The following NFIL3 variants were observed in gnomAD, a reference collection of about 807,000 sequenced individuals.
The protein encoded by NFIL3 is nuclear factor interleukin-3-regulated protein.
Under a neutral mutation model 10.0 loss-of-function variants are expected in NFIL3, and 5 were observed. The observed-to-expected ratio is 0.50, with a 90% CI of 0.26 to 1.06. NFIL3 has a LOEUF of 1.06. Among genes scored for constraint, NFIL3 ranks in the 50% least tolerant of loss-of-function variants. NFIL3 has a pLI of 0.13. For missense variants in NFIL3, 436 were observed against 547.6 expected (o/e 0.80, Z 2.03); for synonymous variants, 202 against 206.5 (o/e 0.98, Z 0.19).
At chr9:91,458,033 G>T in the NFIL3 span, among the ~76,000 whole-genome samples, 2 of 151,494 alleles carry the variant, frequency 1.3e-5, no homozygotes, top group Non-Finnish European at 2.9e-5. Context: ...ATGTTATATT[G>T]TTCTTTTTAT....
At chr9:91,473,229 T>C in the NFIL3 span, among the ~76,000 whole-genome samples, 1 of 152,214 alleles carries the variant, frequency 6.6e-6, no homozygotes, top group African/African-American at 2.4e-5. Flanking sequence ...AGAACACTGA[T>C]CTCTTCAGAG....
the NFIL3 span, among the ~76,000 whole-genome samples, chr9:91,438,698 T>C: frequency 3.6e-4 from 55 of 152,298 alleles, no homozygotes; most frequent in East Asian, 1.7e-3. Context: ...TGATGTAAGA[T>C]AACAGTCCAA....
chr9:91,448,194 A>G, the NFIL3 span, among the ~76,000 whole-genome samples: 42 of 152,078 alleles, frequency 2.8e-4, no homozygotes, highest in African/African-American at 9.4e-4. Flanking sequence ...TATTTTGCTT[A>G]CTTTCTTGTT....
At chr9:91,455,847 C>G in the NFIL3 span, among the ~76,000 whole-genome samples, 3 of 152,288 alleles carry the variant, frequency 2.0e-5, no homozygotes, top group Admixed American at 2.0e-4. Context: ...TAGCCAAGGT[C>G]TGATTGCAAA....
the NFIL3 span, among the ~76,000 whole-genome samples, chr9:91,479,858 A>G: frequency 3.3e-5 from 5 of 152,280 alleles, no homozygotes; most frequent in Middle Eastern, 3.4e-3. Flanking sequence ...GCCAGAGTAC[A>G]CTGTCCCTCA....
At chr9:91,445,242 G>A in the NFIL3 span, among the ~76,000 whole-genome samples, 7 of 152,292 alleles carry the variant, frequency 4.6e-5, no homozygotes, top group African/African-American at 1.7e-4. Context: ...ATAGGAAACA[G>A]TGACAACTTG....
chr9:91,412,547 T>C (rs957788460), intron 1 of NFIL3, among the ~76,000 whole-genome samples: 1 of 151,932 alleles, frequency 6.6e-6, no homozygotes, highest in African/African-American at 2.4e-5. Flanking sequence ...TCTACCCTAC[T>C]AAAAAGATGT....
the NFIL3 span, among the ~76,000 whole-genome samples, chr9:91,453,888 A>C: frequency 6.6e-6 from 1 of 152,058 alleles, no homozygotes; most frequent in Non-Finnish European, 1.5e-5. Flanking sequence ...TTAGTTTTTG[A>C]CATGGAAAAG....
upstream of NFIL3, among the ~76,000 whole-genome samples, chr9:91,424,657 C>G (rs1833848913): frequency 6.6e-6 from 1 of 152,188 alleles, no homozygotes; most frequent in African/African-American, 2.4e-5. Flanking sequence ...AAAGTTGTTG[C>G]GTAACACGAC....
chr9:91,452,044 G>T, the NFIL3 span, among the ~76,000 whole-genome samples: 2 of 152,130 alleles, frequency 1.3e-5, no homozygotes, highest in Admixed American at 6.5e-5. Flanking sequence ...TTGACTAAGG[G>T]CATTCCAAAG....
At chr9:91,443,699 G>A in the NFIL3 span, among the ~76,000 whole-genome samples, 8 of 152,172 alleles carry the variant, frequency 5.3e-5, no homozygotes, top group Non-Finnish European at 1.2e-4. Context: ...AGGCTGGGTT[G>A]GTAGCTGTGG....
the NFIL3 span, among the ~76,000 whole-genome samples, chr9:91,463,792 T>G: frequency 6.6e-6 from 1 of 152,154 alleles, no homozygotes; most frequent in Non-Finnish European, 1.5e-5. Flanking sequence ...ATATGTCCAT[T>G]TCTTCTTTTA....
chr9:91,482,024 T>A, the NFIL3 span, among the ~76,000 whole-genome samples: 1 of 152,118 alleles, frequency 6.6e-6, no homozygotes, highest in East Asian at 1.9e-4. Context: ...CGGAAAGGAT[T>A]GGGGGAAAAG....
At chr9:91,482,478 G>A in the NFIL3 span, among the ~76,000 whole-genome samples, 12 of 151,860 alleles carry the variant, frequency 7.9e-5, no homozygotes, top group Non-Finnish European at 1.6e-4. Context: ...ATTTTACTAG[G>A]AGTATAGATT....
the NFIL3 span, among the ~76,000 whole-genome samples, chr9:91,460,281 T>TTTTTTTTTTTTTTTTTTG: frequency 7.9e-6 from 1 of 127,012 alleles, no homozygotes; most frequent in Admixed American, 7.2e-5. Context: ...CTTTTTTTTT[T>TTTTTTTTTTTTTTTTTTG]TTTTTTTTTT....
At chr9:91,459,431 GTC>G in the NFIL3 span, among the ~76,000 whole-genome samples, 146 of 152,292 alleles carry the variant, frequency 9.6e-4, no homozygotes, top group Non-Finnish European at 1.5e-3. Flanking sequence ...CATGTCCTAA[GTC>G]TCTGCTTAAC....
intron 1 of NFIL3, among the ~76,000 whole-genome samples, chr9:91,416,206 A>G (rs1324357116): frequency 6.7e-6 from 1 of 150,208 alleles, no homozygotes; most frequent in African/African-American, 2.5e-5. Context: ...TGTTTTCAAC[A>G]TGAGGCGGGG....
chr9:91,423,655 G>C lies in NFIL3; in HGVS notation c.-188C>G, dbSNP rs1027604711. ...GAGCGCTTACCGTGTTCCTGCTCTC[G>C]GGCCGGCGAGGAGAAAGAAAGGGGC... On this transcript the variant is annotated 5_prime_UTR_variant, in exon 1 of 2. Coordinates refer to ENST00000297689, the MANE Select transcript of NFIL3 (RefSeq NM_005384.3). 6.8e-6 allele frequency: 1 copy of C among 146,014 alleles called. No individual in the cohort carries two copies. The highest frequency in any genetic ancestry group is 2.5e-5 in the African/African-American group (1 of 40,688). 9.0% of individuals were successfully genotyped at this position (146,014 alleles called of 1,614,324 possible). A position where few individuals can be genotyped will look rare whatever the true frequency, so the allele number is the denominator to read the frequency against.
At chr9:91,478,517 C>T in the NFIL3 span, among the ~76,000 whole-genome samples, 3 of 151,724 alleles carry the variant, frequency 2.0e-5, no homozygotes, top group African/African-American at 4.8e-5. Context: ...TTCTCTAAGC[C>T]GGTTATTCTA....
Sources: allele counts gnomAD v4.1 joint callset (sites outside exome capture counted in the v4.1 genomes callset), GRCh38; gene constraint gnomAD v4.1.1; transcripts MANE v1.5; gene names NCBI Gene and HGNC (gene_info 2026-07-23, HGNC 2026-07-21).